The following LIMS4 variants were observed in gnomAD, a reference collection of about 807,000 sequenced individuals.
The protein encoded by LIMS4 is LIM zinc finger domain containing 4, also known as LIM and senescent cell antigen-like-containing domain protein 4.
At chr2:110,365,836 C>A in the LIMS4 span, among the ~76,000 whole-genome samples, 2 of 144,316 alleles carry the variant, frequency 1.4e-5, no homozygotes, top group Admixed American at 1.4e-4. Flanking sequence ...TCAAAATTGA[C>A]AAAGGAGACA....
chr2:110,385,120 C>T, the LIMS4 span, among the ~76,000 whole-genome samples: 2 of 138,102 alleles, frequency 1.4e-5, no homozygotes, highest in Non-Finnish European at 3.1e-5. Flanking sequence ...TCCTCGGGAC[C>T]CTCACTCTAA....
At chr2:110,387,292 GC>G in the LIMS4 span, 1 of 673,264 alleles carries the variant, frequency 1.5e-6, no homozygotes, top group South Asian at 1.8e-5. Context: ...AAAATCATGA[GC>G]AGCAGTGTTT....
the LIMS4 span, chr2:110,361,366 C>G: frequency 1.2e-6 from 1 of 859,140 alleles, no homozygotes; most frequent in Non-Finnish European, 2.0e-6. Flanking sequence ...TCCCATGCTC[C>G]TTCCTGACGT....
the LIMS4 span, among the ~76,000 whole-genome samples, chr2:110,373,717 A>G: frequency 6.7e-6 from 1 of 150,190 alleles, no homozygotes; most frequent in Non-Finnish European, 1.5e-5. Flanking sequence ...GAGCCCACCC[A>G]TAGCCCAAGG....
the LIMS4 span, chr2:110,361,874 G>A: frequency 2.4e-6 from 3 of 1,236,782 alleles, no homozygotes; most frequent in African/African-American, 5.1e-5. Context: ...AAACGTCATT[G>A]GACAAATAGG....
At chr2:110,425,010 A>G in the LIMS4 span, among the ~76,000 whole-genome samples, 2 of 143,840 alleles carry the variant, frequency 1.4e-5, no homozygotes, top group Non-Finnish European at 3.0e-5. Context: ...GGTCCCGGTC[A>G]GCTTTGCGGA....
At chr2:110,366,806 T>C in the LIMS4 span, among the ~76,000 whole-genome samples, 2 of 151,524 alleles carry the variant, frequency 1.3e-5, no homozygotes, top group East Asian at 3.9e-4. Context: ...AGTCTCTGCC[T>C]AAAAGCTCCT....
At chr2:110,418,650 C>CTTTTT in the LIMS4 span, among the ~76,000 whole-genome samples, 34 of 72,462 alleles carry the variant, frequency 4.7e-4, no homozygotes, top group East Asian at 6.5e-4. Flanking sequence ...CCTTTCCTTT[C>CTTTTT]TTTTTTTTTT....
At chr2:110,382,774 A>G in the LIMS4 span, 1 of 113,526 alleles carries the variant, frequency 8.8e-6, no homozygotes. Context: ...GTGTGACTTC[A>G]TTTATATGAA....
At chr2:110,373,629 GAAGT>G in the LIMS4 span, among the ~76,000 whole-genome samples, 1 of 151,480 alleles carries the variant, frequency 6.6e-6, no homozygotes, top group African/African-American at 2.5e-5. Context: ...GAGGCCCAGA[GAAGT>G]AAGGTGACTC....
the LIMS4 span, among the ~76,000 whole-genome samples, chr2:110,372,640 G>A: frequency 6.7e-6 from 1 of 149,046 alleles, no homozygotes; most frequent in Non-Finnish European, 1.5e-5. Context: ...CAAGTAGCTG[G>A]AATTACAGGC....
the LIMS4 span, among the ~76,000 whole-genome samples, chr2:110,366,018 G>A: frequency 6.6e-6 from 1 of 151,278 alleles, no homozygotes; most frequent in South Asian, 2.1e-4. Flanking sequence ...TTTTGAAATT[G>A]AATCAGTAAT....
At chr2:110,371,272 AATG>A in the LIMS4 span, among the ~76,000 whole-genome samples, 3 of 125,932 alleles carry the variant, frequency 2.4e-5, no homozygotes, top group East Asian at 2.2e-4. Flanking sequence ...TTTCTGGCAT[AATG>A]ATGATTTTCA....
the LIMS4 span, among the ~76,000 whole-genome samples, chr2:110,369,021 A>G: frequency 1.8e-4 from 18 of 99,218 alleles, no homozygotes; most frequent in African/African-American, 8.2e-4. Context: ...CAGATCTCTC[A>G]CAGCAGCAGG....
At chr2:110,425,267 G>T in the LIMS4 span, among the ~76,000 whole-genome samples, 3,660 of 130,274 alleles carry the variant, frequency 0.028, 62 homozygotes, top group African/African-American at 0.099. Context: ...AACCTATAGT[G>T]GGCTAGTCTA....
chr2:110,361,055 A>T, the LIMS4 span: 1 of 1,211,260 alleles, frequency 8.3e-7, no homozygotes, highest in Non-Finnish European at 1.2e-6. Flanking sequence ...CCTGAACTCC[A>T]GAACCGGTTC....
chr2:110,407,578 T>C, the LIMS4 span, among the ~76,000 whole-genome samples: 1 of 131,616 alleles, frequency 7.6e-6, no homozygotes, highest in African/African-American at 2.9e-5. Context: ...AATCTATTTA[T>C]TGAATGCTTC....
At chr2:110,367,621 A>G in the LIMS4 span, among the ~76,000 whole-genome samples, 4 of 143,484 alleles carry the variant, frequency 2.8e-5, no homozygotes, top group Admixed American at 6.8e-5. Flanking sequence ...AACTATAAAA[A>G]CTCCCAGCAC....
At chr2:110,392,216 CTG>C in the LIMS4 span, among the ~76,000 whole-genome samples, 1 of 151,630 alleles carries the variant, frequency 6.6e-6, no homozygotes, top group African/African-American at 2.4e-5. Context: ...GGGAGGGAAA[CTG>C]TGCCAGTGTC....
Sources: allele counts gnomAD v4.1 joint callset (sites outside exome capture counted in the v4.1 genomes callset), GRCh38; gene constraint gnomAD v4.1.1; transcripts MANE v1.5; gene names NCBI Gene and HGNC (gene_info 2026-07-23, HGNC 2026-07-21).